SYDE2: variants seen among roughly 807,000 people sequenced by gnomAD.
SYDE2 encodes synapse defective Rho GTPase homolog 2.
A neutral mutation model predicts 91.5 loss-of-function variants in SYDE2; 76 were observed. The ratio of observed to expected loss-of-function variants is 0.83; its 90% CI spans 0.69 to 1.01. The LOEUF (loss-of-function observed/expected upper bound fraction) is 1.01. SYDE2 is among the 50% of genes least tolerant of loss of function. SYDE2 has a pLI of 0.00. For missense variants in SYDE2, 1,364 were observed against 1,367.7 expected (o/e 1.00, Z 0.04); for synonymous variants, 513 against 506.4 (o/e 1.01, Z -0.18).
intron 2 of SYDE2, among the ~76,000 whole-genome samples, chr1:85,188,870 G>C (rs1395768256): frequency 6.6e-6 from 1 of 152,168 alleles, no homozygotes; most frequent in Non-Finnish European, 1.5e-5. Context: ...ATAAAACCCA[G>C]GGGATATAAG....
At chr1:85,170,228 G>A (rs1395248076) in intron 4 of SYDE2, among the ~76,000 whole-genome samples, 1 of 149,864 alleles carries the variant, frequency 6.7e-6, no homozygotes. Context: ...AGCCTCTTAA[G>A]CAGCTAGGAC....
chr1:85,200,892 G>T lies in SYDE2; in HGVS notation c.105C>A (p.Arg35=). ...GARAPGQPPS[R]GAAYRRACPR... ...GGCAGGCTCGGCGGTACGCGGCGCC[G>T]CGGGAAGGCGGCTGGCCCGGAGCCC... The change falls in exon 1 of 7, where the codon CGC becomes CGA. Residue 35 remains arginine (R), a synonymous_variant. Transcript: ENST00000341460. The T allele has an allele frequency of 7.5e-7, 1 of 1,333,922 alleles. No individual in the cohort carries two copies. Among genetic ancestry groups the T allele is most frequent in the Non-Finnish European group, 9.5e-7 (1 of 1,051,492 alleles). The allele number at this position is 1,333,922 out of a possible 1,614,324, so 82.6% of individuals were successfully genotyped here.
At chr1:85,181,404 G>C (rs1051210507) in intron 3 of SYDE2, 10 of 152,096 alleles carry the variant, frequency 6.6e-5, no homozygotes, top group African/African-American at 2.4e-4. Context: ...GCCCGCCTTG[G>C]CCTCCCAAAG....
At chr1:85,163,445 C>CTATCTA (rs1174209275) in intron 6 of SYDE2, among the ~76,000 whole-genome samples, 5 of 87,608 alleles carry the variant, frequency 5.7e-5, no homozygotes, top group Admixed American at 1.5e-4. Context: ...GTACTTTAAT[C>CTATCTA]TATATATATA....
intron 1 of SYDE2, among the ~76,000 whole-genome samples, chr1:85,198,587 TAGC>T (rs973011443): frequency 6.6e-6 from 1 of 152,134 alleles, no homozygotes; most frequent in Non-Finnish European, 1.5e-5. Flanking sequence ...ATTTCTAAGT[TAGC>T]AGTTTCATTT....
downstream of SYDE2, among the ~76,000 whole-genome samples, chr1:85,155,426 C>G (rs774047940): frequency 6.6e-6 from 1 of 151,986 alleles, no homozygotes; most frequent in Non-Finnish European, 1.5e-5. Context: ...ATCGCTTGAG[C>G]CTACAAATTT....
intron 5 of SYDE2, among the ~76,000 whole-genome samples, chr1:85,168,227 C>T (rs1657367856): frequency 6.6e-6 from 1 of 152,134 alleles, no homozygotes; most frequent in Non-Finnish European, 1.5e-5. Flanking sequence ...TTAGCTGTTC[C>T]CTTCCCCTAA....
chr1:85,172,103 G>A (rs1657524219), intron 4 of SYDE2, among the ~76,000 whole-genome samples: 2 of 152,154 alleles, frequency 1.3e-5, no homozygotes, highest in South Asian at 4.2e-4. Flanking sequence ...ACACATGAAG[G>A]AATTAGAATT....
intron 6 of SYDE2, chr1:85,160,017 T>C (rs1571222624): frequency 2.0e-6 from 2 of 977,548 alleles, no homozygotes; most frequent in African/African-American, 1.8e-5. Flanking sequence ...CATTACTTCA[T>C]TACAAACCAA....
chr1:85,201,002 G>T lies in SYDE2; in HGVS notation c.-6C>A. ...TCAGGGGGCAGGTCGTGCATGGCCT[G>T]GATCAGCAGATAATAGGCCTCTCGC... is the stretch of plus-strand genomic sequence containing the variant. On this transcript the variant is annotated 5_prime_UTR_variant, in exon 1 of 7. Coordinates refer to ENST00000341460, the MANE Select transcript of SYDE2 (RefSeq NM_032184.2). 1 of 1,292,602 alleles carries T rather than the reference G, an allele frequency of 7.7e-7. No homozygotes were observed. Among genetic ancestry groups the T allele is most frequent in the South Asian group, 3.2e-5 (1 of 30,910 alleles). The allele number at this position is 1,292,602 out of a possible 1,614,324, so 80.1% of individuals were successfully genotyped here. A position where few individuals can be genotyped will look rare whatever the true frequency, so the allele number is the denominator to read the frequency against.
chr1:85,180,801 C>T (rs1429596281), intron 3 of SYDE2, among the ~76,000 whole-genome samples: 1 of 151,902 alleles, frequency 6.6e-6, no homozygotes, highest in Admixed American at 6.6e-5. Context: ...CTAAATATTT[C>T]AGAAAATAGA....
chr1:85,178,422 A>G lies in SYDE2; in HGVS notation c.2545-150T>C, dbSNP rs1657789447. The stretch of plus-strand genomic sequence containing the variant: ...TATAGCTTTTGAAGTCTCATTATAT[A>G]CTATGTTGATTAGTTTAATAAAAAT... On this transcript the variant is annotated intron_variant, in intron 3 of 6. Transcript: ENST00000341460. 4 of 670,242 alleles carry G rather than the reference A, an allele frequency of 6.0e-6. No homozygotes were observed. The South Asian group carries it at 8.7e-5, about 15-fold the overall frequency. The allele number at this position is 670,242 out of a possible 1,614,324, so 41.5% of individuals were successfully genotyped here. A position where few individuals can be genotyped will look rare whatever the true frequency, so the allele number is the denominator to read the frequency against.
rs909985430 is a variant in SYDE2 at position 85,200,051 on chromosome 1, GAAA to G, written c.745+198_745+200del. The G allele has an allele frequency of 1.1e-5, 8 of 698,556 alleles. No homozygotes were observed. The African/African-American group carries it at 1.6e-4, about 14-fold the overall frequency. The allele number at this position is 698,556 out of a possible 1,614,324, so 43.3% of individuals were successfully genotyped here. On this transcript the variant is annotated intron_variant, in intron 1 of 6. Coordinates refer to ENST00000341460, the MANE Select transcript of SYDE2 (RefSeq NM_032184.2). ...CTTCATGCCATTGTCTGATTAAAAAGAAAAAAAAAAGCAAAACGAGTAAATGCA... is the reference window on the plus strand; with the variant it reads ...CTTCATGCCATTGTCTGATTAAAAAGAAAAAAAGCAAAACGAGTAAATGCA...
At chr1:85,164,833 A>AG (rs1193035815) in intron 5 of SYDE2, 76 bp from the exon 6 acceptor site, 5 of 842,444 alleles carry the variant, frequency 5.9e-6, no homozygotes, top group Non-Finnish European at 6.6e-6. Context: ...CAGGAAATAC[A>AG]GATAAGCATC....
At position 85,174,052 on chromosome 1, in the gene SYDE2, G is replaced by GA. The variant is rs35729320; in HGVS notation, c.2671+4093dup. ...AATGAAACGAAGTATGGAAAAAGCTGAAAAAAAAATACATTATCAGTGAGC... is the reference window on the plus strand; with the variant it reads ...AATGAAACGAAGTATGGAAAAAGCTGAAAAAAAAAATACATTATCAGTGAGC... On this transcript the variant is annotated intron_variant, in intron 4 of 6. Transcript: ENST00000341460. Among the ~76,000 whole-genome samples, 89 of 150,452 alleles carry GA rather than the reference G, an allele frequency of 5.9e-4. 1 individual carries two copies. The Middle Eastern group carries it at 0.031, about 52-fold the overall frequency.
At chr1:85,192,989 A>G (rs1658431417) in intron 1 of SYDE2, among the ~76,000 whole-genome samples, 1 of 152,208 alleles carries the variant, frequency 6.6e-6, no homozygotes, top group Non-Finnish European at 1.5e-5. Flanking sequence ...AAAAACTATT[A>G]AGTTCTACTC....
chr1:85,189,964 A>G (rs1397476961), intron 2 of SYDE2, 93 bp downstream of exon 2: 2 of 1,017,854 alleles, frequency 2.0e-6, no homozygotes, highest in Non-Finnish European at 2.8e-6. Context: ...AAGTACATGA[A>G]TATAACAAAC....
At chr1:85,156,584 C>G (rs1208269609), downstream of SYDE2, among the ~76,000 whole-genome samples, 1 of 152,028 alleles carries the variant, frequency 6.6e-6, no homozygotes, top group Non-Finnish European at 1.5e-5. Context: ...TCAATAAAAG[C>G]AGTTTATAGC....
Position 85,200,881 on chromosome 1 carries a change from T to A in SYDE2, c.116A>T (p.Tyr39Phe), listed in dbSNP as rs1658807461. The A allele has an allele frequency of 7.5e-7, 1 of 1,336,816 alleles. No homozygotes were observed. Among genetic ancestry groups the A allele is most frequent in the South Asian group, 2.0e-5 (1 of 48,836 alleles). 82.8% of individuals were successfully genotyped at this position (1,336,816 alleles called of 1,614,324 possible). A position where few individuals can be genotyped will look rare whatever the true frequency, so the allele number is the denominator to read the frequency against. Reference sequence around the variant, plus strand: ...CCCGTCCCGGGGGCAGGCTCGGCGGTACGCGGCGCCGCGGGAAGGCGGCTG... The same window carrying A: ...CCCGTCCCGGGGGCAGGCTCGGCGGAACGCGGCGCCGCGGGAAGGCGGCTG... ...PGQPPSRGAA[Y>F]RRACPRDGER... Residue 39 changes from tyrosine to phenylalanine, a missense_variant, in exon 1 of 7, where the codon TAC becomes TTC. Transcript: ENST00000341460.
Sources: gnomAD v4.1 joint callset for allele counts (sites outside exome capture counted in the v4.1 genomes callset) on GRCh38, gnomAD v4.1.1 for gene constraint, MANE v1.5 for transcripts, NCBI Gene and HGNC (gene_info 2026-07-23, HGNC 2026-07-21) for gene names.